Variants in MMS22L observed in about 807,000 individuals in gnomAD.
MMS22L encodes the protein MMS22 like, DNA repair protein.
MMS22L carries 74 observed loss-of-function variants against 159.1 expected under a neutral mutation model. That is an observed-to-expected ratio of 0.47 (90% confidence interval 0.39 to 0.56). MMS22L has a LOEUF of 0.56. MMS22L is among the 20% of genes least tolerant of loss of function. MMS22L has a pLI of 0.00. For missense variants in MMS22L, 1,351 were observed against 1,422.1 expected, an observed-to-expected ratio of 0.95 and a Z score of 0.80; for synonymous variants, 517 against 506.9, an observed-to-expected ratio of 1.02 and a Z score of -0.27.
intron 14 of MMS22L, among the ~76,000 whole-genome samples, chr6:97,223,997 GT>G (rs1562477324): frequency 6.6e-6 from 1 of 152,116 alleles, no homozygotes; most frequent in African/African-American, 2.4e-5. Context: ...GATTTGATGG[GT>G]TTTTTATGGC....
intron 23 of MMS22L, among the ~76,000 whole-genome samples, chr6:97,151,015 CT>C (rs1295570189): frequency 6.6e-6 from 1 of 152,148 alleles, no homozygotes; most frequent in Non-Finnish European, 1.5e-5. Flanking sequence ...CATAACGGAG[CT>C]TTCTGAAGCT....
chr6:97,216,705 C>T (rs1394113860), intron 14 of MMS22L, among the ~76,000 whole-genome samples: 1 of 152,196 alleles, frequency 6.6e-6, no homozygotes, highest in African/African-American at 2.4e-5. Flanking sequence ...TTCCTACAAA[C>T]TCATTGCTGA....
chr6:97,211,390 G>A (rs1423123771), intron 14 of MMS22L, among the ~76,000 whole-genome samples: 2 of 151,886 alleles, frequency 1.3e-5, no homozygotes, highest in Non-Finnish European at 2.9e-5. Context: ...TTAATAAGAG[G>A]GTATCAGAAC....
chr6:97,177,435 G>A (rs1008265263), intron 18 of MMS22L, among the ~76,000 whole-genome samples: 91 of 152,096 alleles, frequency 6.0e-4, no homozygotes, highest in African/African-American at 2.1e-3. Flanking sequence ...AAATCCCTAC[G>A]AAGTTCTAGC....
chr6:97,213,049 G>T (rs947295822), intron 14 of MMS22L, among the ~76,000 whole-genome samples: 3 of 152,152 alleles, frequency 2.0e-5, no homozygotes, highest in South Asian at 2.1e-4. Flanking sequence ...CATTGTGTGT[G>T]TGTGTGCGTG....
chr6:97,262,883 G>A (rs1332432588), intron 9 of MMS22L, among the ~76,000 whole-genome samples: 2 of 152,088 alleles, frequency 1.3e-5, no homozygotes, highest in Non-Finnish European at 2.9e-5. Context: ...AGACATGACT[G>A]AAAATGAAGT....
intron 18 of MMS22L, among the ~76,000 whole-genome samples, chr6:97,174,515 G>A (rs1447356598): frequency 6.6e-6 from 1 of 152,122 alleles, no homozygotes; most frequent in East Asian, 1.9e-4. Flanking sequence ...GAGAATGTTG[G>A]TAAGAGTAGC....
At chr6:97,247,981 G>C (rs1260623917) in intron 10 of MMS22L, among the ~76,000 whole-genome samples, 1 of 152,160 alleles carries the variant, frequency 6.6e-6, no homozygotes, top group Non-Finnish European at 1.5e-5. Flanking sequence ...AGTGAGTATG[G>C]TAGTCAGCCT....
chr6:97,257,602 T>C (rs922357211), intron 9 of MMS22L, among the ~76,000 whole-genome samples: 2 of 151,994 alleles, frequency 1.3e-5, no homozygotes, highest in Non-Finnish European at 1.5e-5. Flanking sequence ...ATAGGTAATC[T>C]TGTTTATTTT....
intron 4 of MMS22L, among the ~76,000 whole-genome samples, chr6:97,274,259 C>G (rs1167447995): frequency 6.6e-6 from 1 of 152,112 alleles, no homozygotes; most frequent in African/African-American, 2.4e-5. Context: ...ACTACTGTGG[C>G]AGAATAGAAG....
intron 11 of MMS22L, among the ~76,000 whole-genome samples, chr6:97,242,354 C>T (rs1812174329): frequency 6.6e-6 from 1 of 152,106 alleles, no homozygotes; most frequent in Admixed American, 6.6e-5. Context: ...CATAATGTCC[C>T]TCTGTCTTTT....
chr6:97,266,902 G>A (rs932885675), intron 8 of MMS22L: 1 of 152,082 alleles, frequency 6.6e-6, no homozygotes, highest in Admixed American at 6.5e-5. Flanking sequence ...TTAGATAAGG[G>A]AATAAGCTCA....
chr6:97,216,053 A>G (rs1452836567), intron 14 of MMS22L, among the ~76,000 whole-genome samples: 1 of 152,184 alleles, frequency 6.6e-6, no homozygotes, highest in African/African-American at 2.4e-5. Flanking sequence ...AATATAAATA[A>G]AATTTCAAAC....
chr6:97,212,257 T>C (rs1322346803), intron 14 of MMS22L, among the ~76,000 whole-genome samples: 1 of 152,150 alleles, frequency 6.6e-6, no homozygotes, highest in Non-Finnish European at 1.5e-5. Flanking sequence ...GGCTGGAAAA[T>C]ACAGACATTT....
At chr6:97,208,081 T>C (rs749929197) in intron 14 of MMS22L, among the ~76,000 whole-genome samples, 42 of 152,160 alleles carry the variant, frequency 2.8e-4, no homozygotes, top group Non-Finnish European at 4.9e-4. Context: ...ACTGAAAATG[T>C]TGGTTAAATA....
upstream of MMS22L, chr6:97,283,693 C>T (rs951058048): frequency 2.0e-5 from 3 of 152,162 alleles, no homozygotes; most frequent in Non-Finnish European, 4.4e-5. Context: ...AAGCACTAAC[C>T]AACTTGACCT....
Position 97,162,183 on chromosome 6 carries a change from T to G in MMS22L, c.3222-18A>C, listed in dbSNP as rs1433665429. 1 of 1,582,400 alleles carries G rather than the reference T, an allele frequency of 6.3e-7. No homozygotes were observed. The highest frequency in any genetic ancestry group is 2.3e-5 in the East Asian group (1 of 44,342). On this transcript the variant is annotated intron_variant, in intron 21 of 24. Transcript: ENST00000683635. ...AGGATTTCCTGAAAAGAAGCAAAAT[T>G]TGTTTATTCTCTGCTTAAAGCTTCA... is the stretch of plus-strand genomic sequence containing the variant.
chr6:97,159,390 C>A (rs1737140), intron 22 of MMS22L, among the ~76,000 whole-genome samples: 82,258 of 151,176 alleles, frequency 0.54, 23,177 homozygotes, highest in African/African-American at 0.69. Flanking sequence ...TATACTAATT[C>A]TAGTGAAATA....
intron 11 of MMS22L, among the ~76,000 whole-genome samples, chr6:97,244,354 A>G (rs965401258): frequency 2.0e-5 from 3 of 152,206 alleles, no homozygotes; most frequent in African/African-American, 7.2e-5. Flanking sequence ...TTCGGCTACC[A>G]GGTGGGTAGA....
Sources: allele counts gnomAD v4.1 joint callset (sites outside exome capture counted in the v4.1 genomes callset), GRCh38; gene constraint gnomAD v4.1.1; transcripts MANE v1.5; gene names NCBI Gene and HGNC (gene_info 2026-07-23, HGNC 2026-07-21).